Variants in AGBL4 observed in about 807,000 individuals in gnomAD.
The protein encoded by AGBL4 is cytosolic carboxypeptidase 6.
Under a neutral mutation model 66.4 loss-of-function variants are expected in AGBL4, and 58 were observed. That is an observed-to-expected ratio of 0.87 (90% CI 0.71 to 1.09). The LOEUF (loss-of-function observed/expected upper bound fraction) is 1.09, where lower values mean the gene tolerates loss of function less well. AGBL4 is among the 50% of genes least tolerant of loss of function. The pLI is 0.00. For missense variants in AGBL4, 579 were observed against 631.0 expected, an observed-to-expected ratio of 0.92 and a Z score of 0.88; for synonymous variants, 234 against 222.9, an observed-to-expected ratio of 1.05 and a Z score of -0.44.
At chr1:49,303,736 A>G (rs1175511653) in intron 3 of AGBL4, among the ~76,000 whole-genome samples, 3 of 152,012 alleles carry the variant, frequency 2.0e-5, no homozygotes, top group African/African-American at 7.2e-5. Flanking sequence ...TCGGCCTCCC[A>G]AAGTGGTGGG....
chr1:49,890,012 A>C lies in AGBL4; in HGVS notation c.35-38494T>G, dbSNP rs569393773. Among the ~76,000 whole-genome samples the C allele has an allele frequency of 2.0e-5, 3 of 152,338 alleles. No homozygotes were observed. In the South Asian group the frequency reaches 6.2e-4, roughly 32 times the overall value. On this transcript the variant is annotated intron_variant, in intron 1 of 13. Coordinates refer to ENST00000371839, the MANE Select transcript of AGBL4 (RefSeq NM_032785.4). Reference sequence around the variant, plus strand: ...TTACACGTATTGAACCACTGAAGGCAAAATGAATCAATCGGGATTCAAAGT... The same window carrying C: ...TTACACGTATTGAACCACTGAAGGCCAAATGAATCAATCGGGATTCAAAGT...
intron 1 of AGBL4, among the ~76,000 whole-genome samples, chr1:49,938,006 T>C (rs534789639): frequency 1.3e-4 from 19 of 149,710 alleles, no homozygotes; most frequent in African/African-American, 4.0e-4. Context: ...AGAGCAGAAC[T>C]GAAGAAAATA....
At chr1:49,639,243 C>T (rs902081145) in intron 3 of AGBL4, among the ~76,000 whole-genome samples, 1 of 152,180 alleles carries the variant, frequency 6.6e-6, no homozygotes. Flanking sequence ...GTAATCCATT[C>T]TAACACACAC....
chr1:50,018,264 C>T (rs954809152), intron 1 of AGBL4, among the ~76,000 whole-genome samples: 1 of 152,020 alleles, frequency 6.6e-6, no homozygotes, highest in Non-Finnish European at 1.5e-5. Context: ...TTCTTAAATA[C>T]ATATGACAAA....
intron 5 of AGBL4, among the ~76,000 whole-genome samples, chr1:49,005,361 G>A (rs1009353050): frequency 7.2e-5 from 11 of 152,076 alleles, no homozygotes; most frequent in Non-Finnish European, 1.2e-4. Flanking sequence ...TTTAAATTGT[G>A]GGCTGTTAAA....
chr1:48,987,357 T>C (rs1660258069), intron 5 of AGBL4, among the ~76,000 whole-genome samples: 1 of 151,942 alleles, frequency 6.6e-6, no homozygotes. Context: ...TAATAAAAGC[T>C]GAAGTGGCCA....
chr1:49,964,717 C>T (rs1657411782), intron 1 of AGBL4, among the ~76,000 whole-genome samples: 1 of 151,880 alleles, frequency 6.6e-6, no homozygotes, highest in Non-Finnish European at 1.5e-5. Flanking sequence ...ATGAGAAAGT[C>T]TCCATTTCTT....
intron 9 of AGBL4, among the ~76,000 whole-genome samples, chr1:48,620,595 A>G (rs1001911382): frequency 6.6e-6 from 1 of 152,284 alleles, no homozygotes; most frequent in African/African-American, 2.4e-5. Context: ...TTGCATTGCT[A>G]TTTCAATAAC....
intron 1 of AGBL4, among the ~76,000 whole-genome samples, chr1:50,010,881 G>C (rs2148436327): frequency 6.6e-6 from 1 of 152,178 alleles, no homozygotes; most frequent in Admixed American, 6.5e-5. Context: ...GAAAACATTG[G>C]GGATATTCTC....
intron 4 of AGBL4, among the ~76,000 whole-genome samples, chr1:49,111,782 T>C (rs1480087267): frequency 6.6e-6 from 1 of 152,220 alleles, no homozygotes; most frequent in African/African-American, 2.4e-5. Flanking sequence ...CTTACTGAAG[T>C]ATACTTTGTC....
intron 3 of AGBL4, among the ~76,000 whole-genome samples, chr1:49,523,683 A>G (rs1650436859): frequency 6.6e-6 from 1 of 152,112 alleles, no homozygotes; most frequent in South Asian, 2.1e-4. Flanking sequence ...ATGTCAACTC[A>G]AATTAATATA....
In AGBL4 at chr1:48,804,300, T is replaced by C. The variant is rs540287117; in HGVS notation, c.634+62891A>G. Among the ~76,000 whole-genome samples the C allele has an allele frequency of 2.6e-5, 4 of 152,314 alleles. No homozygotes were observed. The South Asian group carries it at 8.3e-4, about 32-fold the overall frequency. On this transcript the variant is annotated intron_variant, in intron 6 of 13. Coordinates refer to ENST00000371839, the MANE Select transcript of AGBL4 (RefSeq NM_032785.4). ...TAAAAGGTATCCCATTACAGGGTTG[T>C]CTGTAGATAAAGCATGAGCTCCCTA...
At chr1:48,931,345 T>C (rs1012616056) in intron 5 of AGBL4, among the ~76,000 whole-genome samples, 6 of 152,250 alleles carry the variant, frequency 3.9e-5, no homozygotes, top group African/African-American at 1.4e-4. Context: ...ATTGTACAAA[T>C]AAACCAGTTA....
chr1:49,836,956 G>T (rs181460900), intron 2 of AGBL4, among the ~76,000 whole-genome samples: 1 of 152,126 alleles, frequency 6.6e-6, no homozygotes, highest in Non-Finnish European at 1.5e-5. Flanking sequence ...AGGAAGCTTC[G>T]TTCCAGAGAG....
chr1:49,928,926 C>G (rs1312857378), intron 1 of AGBL4, among the ~76,000 whole-genome samples: 2 of 151,816 alleles, frequency 1.3e-5, no homozygotes, highest in Non-Finnish European at 2.9e-5. Context: ...AGCTGACCAT[C>G]AATTATGGAT....
intron 3 of AGBL4, among the ~76,000 whole-genome samples, chr1:49,511,011 G>T (rs1649188138): frequency 6.6e-6 from 1 of 151,806 alleles, no homozygotes; most frequent in South Asian, 2.1e-4. Context: ...TTGAAGTCAG[G>T]TAGTGTGATG....
At chr1:49,809,696 T>C (rs554537500) in intron 2 of AGBL4, among the ~76,000 whole-genome samples, 61 of 152,232 alleles carry the variant, frequency 4.0e-4, no homozygotes, top group Non-Finnish European at 7.6e-4. Flanking sequence ...TAACTTCATA[T>C]AAATAATGCA....
intron 4 of AGBL4, among the ~76,000 whole-genome samples, chr1:49,155,682 C>T (rs1646416465): frequency 1.3e-5 from 2 of 152,142 alleles, no homozygotes; most frequent in African/African-American, 2.4e-5. Context: ...GGGGCATCTT[C>T]TCAGTTCCAC....
At chr1:48,916,429 G>T (rs1653590208) in intron 5 of AGBL4, among the ~76,000 whole-genome samples, 1 of 152,176 alleles carries the variant, frequency 6.6e-6, no homozygotes, top group African/African-American at 2.4e-5. Flanking sequence ...GGGTACTCAG[G>T]CCCTGTGCTT....
Sources: allele counts gnomAD v4.1 joint callset (sites outside exome capture counted in the v4.1 genomes callset), GRCh38; gene constraint gnomAD v4.1.1; transcripts MANE v1.5; gene names NCBI Gene and HGNC (gene_info 2026-07-23, HGNC 2026-07-21).